Variants in DNAJC2 observed in about 807,000 individuals in gnomAD.
The protein encoded by DNAJC2 is dnaJ homolog subfamily C member 2.
In DNAJC2, 32 loss-of-function variants were observed where a neutral mutation model predicts 94.0. That is an observed-to-expected ratio of 0.34 (90% CI 0.26 to 0.46). The LOEUF is 0.46. Among genes scored for constraint, DNAJC2 ranks in the 20% least tolerant of loss-of-function variants. The pLI is 1.00. For missense variants in DNAJC2, 550 were observed against 719.5 expected (o/e 0.76, Z 2.69); for synonymous variants, 210 against 229.7 (o/e 0.91, Z 0.77).
In DNAJC2 at chr7:103,322,796, TATAAA is replaced by T; in HGVS notation, c.720-7_720-3del. The T allele has an allele frequency of 6.2e-7, 1 of 1,600,122 alleles. No individual in the cohort carries two copies. The highest frequency in any genetic ancestry group is 8.5e-7 in the Non-Finnish European group (1 of 1,177,476). ...TCAATCCATCTCCTCTCATCACGAC[TATAAA>T]ATAGAAAATATTGGAAACAAACTAC... On this transcript the variant is annotated splice_region_variant and splice_polypyrimidine_tract_variant and intron_variant, in intron 7 of 16. Transcript: ENST00000379263.
chr7:103,319,532 T>TAA, intron 12 of DNAJC2, 77 bp downstream of exon 12: 1 of 1,333,096 alleles, frequency 7.5e-7, no homozygotes, highest in Non-Finnish European at 1.1e-6. Flanking sequence ...CTTGGTGACT[T>TAA]ATATATTAGG....
chr7:103,337,909 A>G (rs1819237139), intron 2 of DNAJC2, 98 bp from the exon 3 acceptor site: 2 of 844,178 alleles, frequency 2.4e-6, no homozygotes, highest in Non-Finnish European at 3.9e-6. Context: ...CCAAAGTGAC[A>G]TTTCATCAGG....
chr7:103,340,085 G>T (rs750181609), intron 2 of DNAJC2, among the ~76,000 whole-genome samples: 1 of 152,142 alleles, frequency 6.6e-6, no homozygotes, highest in Non-Finnish European at 1.5e-5. Flanking sequence ...TGATCTGCCC[G>T]CCTCAGCCTC....
intron 9 of DNAJC2, 69 bp downstream of exon 9, chr7:103,322,442 T>C: frequency 7.5e-7 from 1 of 1,338,504 alleles, no homozygotes; most frequent in Non-Finnish European, 1.0e-6. Context: ...AAAAAAGATG[T>C]GAAGATTAAA....
rs543145349 is a variant in DNAJC2, at chr7:103,321,541, ATTTT to A, written c.1083+387_1083+390del. ...TCAAATAAATAAATAAATAAAAATAATTTTTTTTTTTCAAGAAATATTTTGGCTG... is the reference window on the plus strand; with the variant it reads ...TCAAATAAATAAATAAATAAAAATAATTTTTTTCAAGAAATATTTTGGCTG... On this transcript the variant is annotated intron_variant, in intron 10 of 16. Coordinates refer to ENST00000379263, the MANE Select transcript of DNAJC2 (RefSeq NM_014377.3). 1.2e-3 allele frequency among the ~76,000 whole-genome samples: 183 copies of A among 148,752 alleles called. 5 individuals carry two copies. In the East Asian group the frequency reaches 0.035, roughly 29 times the overall value.
At chr7:103,342,747 T>G (rs1819430288) in intron 1 of DNAJC2, among the ~76,000 whole-genome samples, 1 of 151,408 alleles carries the variant, frequency 6.6e-6, no homozygotes, top group South Asian at 2.1e-4. Flanking sequence ...TAGCTGGGAC[T>G]ACAGGCACCC....
At chr7:103,324,673 C>G in intron 5 of DNAJC2, 111 bp from the exon 6 acceptor site, 1 of 1,019,106 alleles carries the variant, frequency 9.8e-7, no homozygotes, top group South Asian at 2.3e-5. Context: ...CTCTGATTTC[C>G]CTTCCCTACA....
At chr7:103,320,584 C>G (rs1275841686) in intron 10 of DNAJC2, among the ~76,000 whole-genome samples, 1 of 151,080 alleles carries the variant, frequency 6.6e-6, no homozygotes, top group Non-Finnish European at 1.5e-5. Flanking sequence ...CACAGTGAAA[C>G]CCCGTCTCTA....
chr7:103,342,002 A>G, intron 1 of DNAJC2, 48 bp from the exon 2 acceptor site: 2 of 1,375,000 alleles, frequency 1.5e-6, no homozygotes, highest in Non-Finnish European at 1.9e-6. Flanking sequence ...GCATGGAATA[A>G]ATATGTTTCA....
At position 103,315,865 on chromosome 7, in the gene DNAJC2, T is replaced by C; in HGVS notation, c.1535A>G (p.His512Arg). The change falls in exon 15 of 17, where the codon CAT becomes CGT. Residue 512 changes from histidine (H) to arginine (R), a missense_variant. His to Arg is a conservative substitution (Grantham distance 29). This residue lies in a region of DNAJC2 where 271 missense variants were observed against 302.6 expected (regional missense o/e 0.90). Coordinates refer to ENST00000379263, the MANE Select transcript of DNAJC2 (RefSeq NM_014377.3). ...CTTTTTATTTATGTCATCTTTTTGA[T>C]GAGGGTCTGAGAAATGAAAAAAATT... Reference protein sequence around the residue: ...KAKSLQKLDPHQKDDINKKAF... With the variant: ...KAKSLQKLDPRQKDDINKKAF... 2.5e-6 allele frequency: 4 copies of C among 1,610,944 alleles called. No homozygotes were observed. The highest frequency in any genetic ancestry group is 3.4e-6 in the Non-Finnish European group (4 of 1,177,648).
intron 7 of DNAJC2, 43 bp from the exon 8 acceptor site, chr7:103,322,837 T>C (rs759961805): frequency 1.4e-6 from 2 of 1,426,950 alleles, no homozygotes; most frequent in African/African-American, 2.8e-5. Context: ...TGCTTATAGA[T>C]GCTATGACTG....
At chr7:103,338,115 T>A (rs1179440399) in intron 2 of DNAJC2, among the ~76,000 whole-genome samples, 1 of 151,792 alleles carries the variant, frequency 6.6e-6, no homozygotes, top group African/African-American at 2.4e-5. Context: ...AAAAAATTTT[T>A]AAAAATTAGC....
rs1420856636 is a variant in DNAJC2 at position 103,324,542 on chromosome 7, A to G, written c.593T>C (p.Val198Ala). 5 of 1,490,160 alleles carry G rather than the reference A, an allele frequency of 3.4e-6. No homozygotes were observed. The highest frequency in any genetic ancestry group is 2.7e-6 in the Non-Finnish European group (3 of 1,107,722). The allele number at this position is 1,490,160 out of a possible 1,614,324, so 92.3% of individuals were successfully genotyped here. ...TGAATTCATATCACCAAGTTTAGGA[A>G]CATTTTTTTTATTTGACCATCTGAA... ...RNSRWSNKKN[V>A]PKLGDMNSSF... Residue 198 changes from valine (V) to alanine (A), a missense_variant, in exon 6 of 17, where the codon GTT becomes GCT. Transcript: ENST00000379263.
intron 15 of DNAJC2, chr7:103,314,755 CT>C: frequency 1.6e-6 from 1 of 624,806 alleles, no homozygotes; most frequent in South Asian, 7.0e-5. Flanking sequence ...AGTCTCATAT[CT>C]TTAAGTTGAA....
rs1818195071 is a variant in DNAJC2 at position 103,318,454 on chromosome 7, TCAG to T, written c.1242+1152_1242+1154del. The stretch of plus-strand genomic sequence containing the variant: ...CTTCATTTTAACTCTGTCCTTCCTT[TCAG>T]GCTGGTTCAAACTACACTGAGCCTT... On this transcript the variant is annotated intron_variant, in intron 12 of 16. Coordinates refer to ENST00000379263, the MANE Select transcript of DNAJC2 (RefSeq NM_014377.3). Among the ~76,000 whole-genome samples the T allele has an allele frequency of 5.9e-5, 9 of 152,342 alleles. No homozygotes were observed. In the South Asian group the frequency reaches 1.9e-3, roughly 32 times the overall value.
Position 103,314,307 on chromosome 7 carries a change from C to T in DNAJC2, c.1637-1206G>A, listed in dbSNP as rs190909957. The T allele has an allele frequency of 8.1e-6, 8 of 985,396 alleles. No homozygotes were observed. In the Admixed American group the frequency reaches 3.7e-4, roughly 45 times the overall value. 61.0% of individuals were successfully genotyped at this position (985,396 alleles called of 1,614,324 possible). ...AAATTAAACGTACTGTTGCAAAACT[C>T]CTATGAGAAATCACTATTCAAAAAA... On this transcript the variant is annotated intron_variant, in intron 15 of 16. Transcript: ENST00000379263.
In DNAJC2 at chr7:103,326,661, C is replaced by G. The variant is rs1818724476; in HGVS notation, c.454G>C (p.Val152Leu). ...TKAYEMLSDP[V>L]KRRAFNSVDP... ...ACACTGTTAAATGCTCGTCTTTTCA[C>G]TGGATCAGATAACATTTCATAAGCT... is the stretch of plus-strand genomic sequence containing the variant. Residue 152 changes from valine (V) to leucine (L), a missense_variant, in exon 5 of 17, where the codon GTG becomes CTG. Transcript: ENST00000379263. 1 of 1,611,626 alleles carries G rather than the reference C, an allele frequency of 6.2e-7. No individual in the cohort carries two copies. Among genetic ancestry groups the G allele is most frequent in the African/African-American group, 1.3e-5 (1 of 74,954 alleles).
intron 3 of DNAJC2, among the ~76,000 whole-genome samples, chr7:103,331,061 C>T (rs1186163822): frequency 2.0e-5 from 3 of 152,034 alleles, no homozygotes; most frequent in South Asian, 2.1e-4. Context: ...TGGGTTCCAG[C>T]GATTCTCCTG....
At chr7:103,320,627 C>A (rs1424258909) in intron 10 of DNAJC2, among the ~76,000 whole-genome samples, 1 of 150,810 alleles carries the variant, frequency 6.6e-6, no homozygotes, top group Non-Finnish European at 1.5e-5. Flanking sequence ...GGGCGTGGTC[C>A]CAGCTACTCG....
Sources: allele counts gnomAD v4.1 joint callset (sites outside exome capture counted in the v4.1 genomes callset), GRCh38; gene constraint gnomAD v4.1.1; regional missense constraint gnomAD v4.1.1; transcripts MANE v1.5; gene names NCBI Gene and HGNC (gene_info 2026-07-23, HGNC 2026-07-21).